The following THSD7B variants were observed in gnomAD, a reference collection of about 807,000 sequenced individuals.
THSD7B encodes thrombospondin type 1 domain containing 7B, also known as thrombospondin type-1 domain-containing protein 7B.
THSD7B carries 138 observed loss-of-function variants against 213.6 expected under a neutral mutation model. The ratio of observed to expected loss-of-function variants is 0.65; its 90% CI spans 0.56 to 0.74. The LOEUF (loss-of-function observed/expected upper bound fraction) is 0.74, where lower values mean the gene tolerates loss of function less well. Ranked by LOEUF, THSD7B falls within the 30% of genes least tolerant of loss-of-function variation. The pLI is 0.00. For synonymous variants in THSD7B, 742 were observed against 687.0 expected (o/e 1.08, Z -1.25); for missense variants, 1,931 against 1,991.5 (o/e 0.97, Z 0.58).
chr2:136,824,122 G>C lies in THSD7B; in HGVS notation c.-35-58022G>C, dbSNP rs144432020. 8.1e-3 allele frequency among the ~76,000 whole-genome samples: 1,226 copies of C among 152,152 alleles called. 28 individuals are homozygous for C. Among genetic ancestry groups the C allele is most frequent in the African/African-American group, 0.028 (1,143 of 41,538 alleles). ...GTATAAAAAAGAAACTTTTCCAAAG[G>C]TACAAAGGCAGTACATAGTGTAGCC... On this transcript the variant is annotated intron_variant, in intron 1 of 27. Transcript: ENST00000409968.
intron 12 of THSD7B, among the ~76,000 whole-genome samples, chr2:137,289,614 G>C (rs140876080): frequency 6.6e-6 from 1 of 152,192 alleles, no homozygotes; most frequent in East Asian, 1.9e-4. Context: ...ATAGACTCTA[G>C]TCTCAGCAAG....
chr2:137,518,597 C>T (rs112170496), intron 15 of THSD7B, among the ~76,000 whole-genome samples: 10 of 152,154 alleles, frequency 6.6e-5, no homozygotes, highest in Non-Finnish European at 7.3e-5. Context: ...TGCTCACCAA[C>T]GGGTGACCTC....
rs569800468 is a variant in THSD7B, at chr2:137,429,730, T to G, written c.2959+17858T>G. On this transcript the variant is annotated intron_variant, in intron 14 of 27. Transcript: ENST00000409968. ...AGAGTGCATTGTTGTTTGGCAATAT[T>G]GACTAGTGCTGTGTGATTAGGGTAT... Among the ~76,000 whole-genome samples, 8 of 152,298 alleles carry G rather than the reference T, an allele frequency of 5.3e-5. No individual in the cohort carries two copies. The South Asian group carries it at 1.7e-3, about 32-fold the overall frequency.
chr2:136,971,148 T>C (rs946495669), intron 2 of THSD7B, among the ~76,000 whole-genome samples: 1 of 152,132 alleles, frequency 6.6e-6, no homozygotes, highest in African/African-American at 2.4e-5. Flanking sequence ...AGGAAGTCTG[T>C]GATGGGCGGT....
chr2:137,523,742 T>G (rs1268781841), intron 15 of THSD7B, among the ~76,000 whole-genome samples: 1 of 152,196 alleles, frequency 6.6e-6, no homozygotes, highest in Non-Finnish European at 1.5e-5. Flanking sequence ...ACTGTGCTGT[T>G]TCATGACCTA....
At chr2:137,591,005 C>A (rs1681854947) in intron 17 of THSD7B, among the ~76,000 whole-genome samples, 1 of 151,492 alleles carries the variant, frequency 6.6e-6, no homozygotes, top group Non-Finnish European at 1.5e-5. Context: ...TTTTCTGATA[C>A]ACTTTAAAAA....
At chr2:137,125,765 G>A (rs929943814) in intron 5 of THSD7B, among the ~76,000 whole-genome samples, 1 of 151,988 alleles carries the variant, frequency 6.6e-6, no homozygotes, top group African/African-American at 2.4e-5. Flanking sequence ...ACTGTCTATG[G>A]CAGGTGTAGC....
chr2:137,113,353 G>T (rs1220470251), intron 4 of THSD7B, among the ~76,000 whole-genome samples: 10 of 152,290 alleles, frequency 6.6e-5, no homozygotes, highest in African/African-American at 1.9e-4. Flanking sequence ...AACTATCCCT[G>T]TGAAGAAATG....
chr2:137,579,760 T>C (rs116376535), intron 17 of THSD7B, among the ~76,000 whole-genome samples: 2,291 of 152,286 alleles, frequency 0.015, 55 homozygotes, highest in African/African-American at 0.052. Flanking sequence ...TACTTTCAAG[T>C]CGGCTGTCAG....
intron 17 of THSD7B, among the ~76,000 whole-genome samples, chr2:137,598,877 CTTT>C (rs57408242): frequency 3.6e-5 from 5 of 138,360 alleles, no homozygotes; most frequent in African/African-American, 1.3e-4. Flanking sequence ...CATTTTGGTT[CTTT>C]TTTTTTTTTA....
At chr2:136,871,956 T>C (rs1452027409) in intron 1 of THSD7B, among the ~76,000 whole-genome samples, 1 of 152,194 alleles carries the variant, frequency 6.6e-6, no homozygotes, top group Non-Finnish European at 1.5e-5. Context: ...ATTAATCCTG[T>C]TTCTATGAAG....
chr2:137,086,622 C>G (rs1325153212), intron 3 of THSD7B, among the ~76,000 whole-genome samples: 1 of 152,114 alleles, frequency 6.6e-6, no homozygotes. Flanking sequence ...TCATTGATTC[C>G]AATTATTAGG....
At chr2:137,301,395 T>A (rs1232379317) in intron 12 of THSD7B, among the ~76,000 whole-genome samples, 1 of 150,390 alleles carries the variant, frequency 6.6e-6, no homozygotes, top group African/African-American at 2.5e-5. Flanking sequence ...TGAACTATAG[T>A]AATAAACAAA....
In THSD7B at chr2:137,120,415, C is replaced by T. The variant is rs62172306; in HGVS notation, c.1369+5122C>T. Among the ~76,000 whole-genome samples, 30 of 142,454 alleles carry T rather than the reference C, an allele frequency of 2.1e-4. 1 individual carries two copies. The South Asian group carries it at 4.9e-3, about 23-fold the overall frequency. The allele number at this position is 142,454 out of a possible 152,430, so 93.5% of individuals were successfully genotyped here. On this transcript the variant is annotated intron_variant, in intron 5 of 27. Coordinates refer to ENST00000409968, the MANE Select transcript of THSD7B (RefSeq NM_001316349.2). ...TGTTTTTTGCAAGAAGGAAGAGGAA[C>T]GGAAGTGGAGGAAGAAAAAGAAGGG...
At chr2:136,998,361 G>A (rs866711512) in intron 2 of THSD7B, among the ~76,000 whole-genome samples, 1 of 151,674 alleles carries the variant, frequency 6.6e-6, no homozygotes, top group Non-Finnish European at 1.5e-5. Flanking sequence ...TTTTTCACTG[G>A]GTAGGAATAT....
At chr2:137,324,285 A>C (rs1213211427) in intron 12 of THSD7B, among the ~76,000 whole-genome samples, 1 of 152,174 alleles carries the variant, frequency 6.6e-6, no homozygotes, top group Non-Finnish European at 1.5e-5. Context: ...GATACTTAAG[A>C]AGTGTTTCTT....
At chr2:137,282,673 A>T (rs1317110535) in intron 12 of THSD7B, among the ~76,000 whole-genome samples, 4 of 151,962 alleles carry the variant, frequency 2.6e-5, no homozygotes, top group Non-Finnish European at 5.9e-5. Context: ...TCCTTTCCCC[A>T]TTGCTTGTTT....
intron 2 of THSD7B, among the ~76,000 whole-genome samples, chr2:136,984,595 G>A (rs1429977): frequency 0.57 from 86,128 of 152,034 alleles, 26,124 homozygotes; most frequent in East Asian, 0.93. Context: ...AATTAAACCT[G>A]TTTTTTAAAT....
chr2:136,974,710 T>C (rs899902594), intron 2 of THSD7B, among the ~76,000 whole-genome samples: 2 of 152,234 alleles, frequency 1.3e-5, no homozygotes, highest in South Asian at 2.1e-4. Context: ...TTCAGTTTTA[T>C]ACCCAGTAAT....
Sources: gnomAD v4.1 joint callset for allele counts (sites outside exome capture counted in the v4.1 genomes callset) on GRCh38, gnomAD v4.1.1 for gene constraint, MANE v1.5 for transcripts, NCBI Gene and HGNC (gene_info 2026-07-23, HGNC 2026-07-21) for gene names.